Variants in NRXN3 observed in about 807,000 individuals in gnomAD.
NRXN3 encodes neurexin 3, also known as neurexin III.
In NRXN3, 32 loss-of-function variants were observed where a neutral mutation model predicts 137.6. The ratio of observed to expected loss-of-function variants is 0.23; its 90% CI spans 0.18 to 0.31. The LOEUF (loss-of-function observed/expected upper bound fraction) is 0.31. NRXN3 is among the 10% of genes least tolerant of loss of function. The pLI is 1.00. For synonymous variants in NRXN3, 798 were observed against 784.5 expected, an observed-to-expected ratio of 1.02 and a Z score of -0.29; for missense variants, 1,574 against 2,062.5, an observed-to-expected ratio of 0.76 and a Z score of 4.59.
intron 4 of NRXN3, among the ~76,000 whole-genome samples, chr14:78,380,824 A>G (rs1046698310): frequency 2.7e-5 from 4 of 148,544 alleles, no homozygotes. Flanking sequence ...AGACAAGATT[A>G]TTGCAAAGGA....
Position 78,803,791 on chromosome 14 carries a change from A to T in NRXN3, c.2216A>T (p.Asp739Val). The change falls in exon 9 of 21, where the codon GAT becomes GTT. Residue 739 changes from aspartate (D) to valine (V), a missense_variant. Asp to Val is a radical substitution (Grantham distance 152, BLOSUM62 -3). Around this residue, in one of 5 missense-constraint regions of NRXN3, gnomAD observed 718 missense variants for 887.6 expected, o/e 0.81. Coordinates refer to ENST00000335750, the MANE Select transcript of NRXN3 (RefSeq NM_001330195.2). ...DSADTLRLEL[D>V]GGRVKLMVNL... The stretch of plus-strand genomic sequence containing the variant: ...GCCGACACCCTGCGTCTGGAGCTGG[A>T]TGGGGGGCGTGTCAAGCTCATGGTT... 1 of 1,613,896 alleles carries T rather than the reference A, an allele frequency of 6.2e-7. No individual in the cohort carries two copies. The highest frequency in any genetic ancestry group is 8.5e-7 in the Non-Finnish European group (1 of 1,180,012).
In NRXN3 at chr14:78,413,300, T is replaced by G. The variant is rs147958513; in HGVS notation, c.757+115440T>G. Among the ~76,000 whole-genome samples the G allele has an allele frequency of 2.7e-3, 413 of 152,294 alleles. 1 individual carries two copies. Among genetic ancestry groups the G allele is most frequent in the Non-Finnish European group, 4.2e-3 (284 of 68,020 alleles). ...CAGGGCTAAGTTTGTTTGTTTGTTT[T>G]TTTGGACAGAGTTTTACTCTTGTTG... On this transcript the variant is annotated intron_variant, in intron 4 of 20. Coordinates refer to ENST00000335750, the MANE Select transcript of NRXN3 (RefSeq NM_001330195.2).
intron 15 of NRXN3, among the ~76,000 whole-genome samples, chr14:79,126,374 T>C (rs1458504225): frequency 7.1e-6 from 1 of 141,786 alleles, no homozygotes; most frequent in Non-Finnish European, 1.5e-5. Context: ...CCTTCCTGTG[T>C]CCATGTGTTC....
intron 16 of NRXN3, among the ~76,000 whole-genome samples, chr14:79,551,756 A>G (rs931606311): frequency 4.6e-5 from 7 of 152,210 alleles, no homozygotes; most frequent in African/African-American, 1.7e-4. Flanking sequence ...CCTGGGAAGT[A>G]CAGGGAGCAG....
intron 15 of NRXN3, among the ~76,000 whole-genome samples, chr14:79,353,490 C>T (rs2093307479): frequency 6.6e-6 from 1 of 151,892 alleles, no homozygotes; most frequent in Non-Finnish European, 1.5e-5. Flanking sequence ...TGCATTTGAA[C>T]TTTAGGAATC....
Position 79,647,030 on chromosome 14 carries a change from C to T in NRXN3, c.3445-16748C>T, listed in dbSNP as rs973560066. 1.6e-4 allele frequency among the ~76,000 whole-genome samples: 22 copies of T among 135,510 alleles called. 2 individuals carry two copies. The highest frequency in any genetic ancestry group is 4.7e-4 in the African/African-American group (19 of 40,812). The allele number at this position is 135,510 out of a possible 152,430, so 88.9% of individuals were successfully genotyped here. A position where few individuals can be genotyped will look rare whatever the true frequency, so the allele number is the denominator to read the frequency against. On this transcript the variant is annotated intron_variant, in intron 16 of 20. Transcript: ENST00000335750. ...GCCAGGTCTAAGTGTTGCCCCAATC[C>T]GTTCTCCCATCCAACTCCACAAGCA...
In NRXN3 at chr14:79,022,526, G is replaced by A. The variant is rs371954196; in HGVS notation, c.3262+34385G>A. On this transcript the variant is annotated intron_variant, in intron 15 of 20. Transcript: ENST00000335750. ...GTGTCATATTATTGGGAACACACACGAAGCCAGAAAATCCATCATTTCATA... is the reference window on the plus strand; with the variant it reads ...GTGTCATATTATTGGGAACACACACAAAGCCAGAAAATCCATCATTTCATA... Among the ~76,000 whole-genome samples, 168 of 152,262 alleles carry A rather than the reference G, an allele frequency of 1.1e-3. 1 individual carries two copies. Among genetic ancestry groups the A allele is most frequent in the African/African-American group, 3.9e-3 (161 of 41,554 alleles).
At chr14:79,719,329 A>G (rs571321594) in intron 19 of NRXN3, among the ~76,000 whole-genome samples, 241 of 124,296 alleles carry the variant, frequency 1.9e-3, no homozygotes, top group Non-Finnish European at 3.4e-3. Flanking sequence ...ACGCGTGTGT[A>G]TATATATGTA....
Position 78,966,412 on chromosome 14 carries a change from TAGA to T in NRXN3, c.2777+9_2777+11del. The T allele has an allele frequency of 6.2e-7, 1 of 1,609,044 alleles. No homozygotes were observed. Among genetic ancestry groups the T allele is most frequent in the Non-Finnish European group, 8.5e-7 (1 of 1,176,358 alleles). On this transcript the variant is annotated splice_region_variant and intron_variant, in intron 12 of 20. Transcript: ENST00000335750. Reference sequence around the variant, plus strand: ...GCAGTCGAGCTTGTCAAGGGGTAAGTAGAAGGGATCACGACTTATGTTGGACAC... The same window carrying T: ...GCAGTCGAGCTTGTCAAGGGGTAAGTAGGGATCACGACTTATGTTGGACAC...
chr14:78,394,332 A>G (rs2091174599), intron 4 of NRXN3, among the ~76,000 whole-genome samples: 1 of 151,928 alleles, frequency 6.6e-6, no homozygotes, highest in South Asian at 2.1e-4. Context: ...TGATATAACC[A>G]TGTGTTTTTT....
intron 15 of NRXN3, among the ~76,000 whole-genome samples, chr14:79,216,420 A>G (rs1021661138): frequency 6.6e-6 from 1 of 152,180 alleles, no homozygotes; most frequent in African/African-American, 2.4e-5. Flanking sequence ...AAACAGATTC[A>G]AGGGGAGAAA....
At chr14:79,410,063 T>A (rs1383418324) in intron 15 of NRXN3, among the ~76,000 whole-genome samples, 1 of 151,986 alleles carries the variant, frequency 6.6e-6, no homozygotes, top group Non-Finnish European at 1.5e-5. Context: ...TAAGGTTTTT[T>A]TTTGGCTTCC....
At chr14:79,662,603 G>A (rs2098539443) in intron 16 of NRXN3, among the ~76,000 whole-genome samples, 2 of 152,108 alleles carry the variant, frequency 1.3e-5, no homozygotes, top group Non-Finnish European at 1.5e-5. Flanking sequence ...CTGAGAATGA[G>A]TGATTTATAA....
At chr14:79,714,483 A>C (rs1332046919) in intron 19 of NRXN3, among the ~76,000 whole-genome samples, 1 of 152,256 alleles carries the variant, frequency 6.6e-6, no homozygotes, top group African/African-American at 2.4e-5. Flanking sequence ...TTCCAACATC[A>C]TACTAAAAGC....
intron 2 of NRXN3, among the ~76,000 whole-genome samples, chr14:78,265,570 C>G (rs2071556394): frequency 6.6e-6 from 1 of 152,114 alleles, no homozygotes; most frequent in Admixed American, 6.5e-5. Flanking sequence ...ATTCAATGAA[C>G]TAGTGACTTT....
chr14:79,643,118 A>G (rs12894142), intron 16 of NRXN3, among the ~76,000 whole-genome samples: 3,433 of 136,304 alleles, frequency 0.025, 840 homozygotes, highest in Non-Finnish European at 0.041. Flanking sequence ...TCAAGACCAC[A>G]TGGGTACACC....
intron 10 of NRXN3, among the ~76,000 whole-genome samples, chr14:78,878,883 C>A: frequency 6.6e-6 from 1 of 152,086 alleles, no homozygotes; most frequent in East Asian, 1.9e-4. Context: ...ACCTGGTAAC[C>A]ACCATTCTAC....
At chr14:78,170,991 T>C (rs1451644549) in intron 1 of NRXN3, among the ~76,000 whole-genome samples, 1 of 149,570 alleles carries the variant, frequency 6.7e-6, no homozygotes, top group Non-Finnish European at 1.5e-5. Context: ...TCCTATTTGC[T>C]TGAATTGTTA....
chr14:79,278,868 G>T lies in NRXN3; in HGVS notation c.3263-188353G>T, dbSNP rs180825412. ...CCCGGGAGACACACGCGCCTGGAGA[G>T]TGGTCGCCCAAGCCACCGCCAGGCA... On this transcript the variant is annotated intron_variant, in intron 15 of 20. Transcript: ENST00000335750. 9.8e-5 allele frequency among the ~76,000 whole-genome samples: 15 copies of T among 152,298 alleles called. No individual in the cohort carries two copies. In the East Asian group the frequency reaches 1.4e-3, roughly 14 times the overall value.
Sources: allele counts gnomAD v4.1 joint callset (sites outside exome capture counted in the v4.1 genomes callset), GRCh38; gene constraint gnomAD v4.1.1; regional missense constraint gnomAD v4.1.1; transcripts MANE v1.5; gene names NCBI Gene and HGNC (gene_info 2026-07-23, HGNC 2026-07-21).